Variants in VASH2 observed in about 807,000 individuals in gnomAD.
The protein encoded by VASH2 is vasohibin 2, also known as tubulinyl-Tyr carboxypeptidase 2.
VASH2 carries 28 observed loss-of-function variants against 37.2 expected under a neutral mutation model. That is an observed-to-expected ratio of 0.75 (90% confidence interval 0.56 to 1.03). The LOEUF is 1.03. VASH2 is among the 50% of genes least tolerant of loss of function. VASH2 has a pLI of 0.00. For missense variants in VASH2, 419 were observed against 459.1 expected (o/e 0.91, Z 0.80); for synonymous variants, 188 against 174.7 (o/e 1.08, Z -0.60).
At chr1:212,968,384 G>A (rs2102638489) in intron 5 of VASH2, 1 of 985,504 alleles carries the variant, frequency 1.0e-6, no homozygotes, top group Non-Finnish European at 1.2e-6. Flanking sequence ...GTCAGTGGAA[G>A]GACATGTGGC....
At chr1:212,969,680 A>C (rs1006025734) in intron 5 of VASH2, among the ~76,000 whole-genome samples, 9 of 152,134 alleles carry the variant, frequency 5.9e-5, no homozygotes, top group African/African-American at 2.2e-4. Flanking sequence ...TGGATTCTAA[A>C]AGTTACAGCA....
intron 5 of VASH2, chr1:212,969,181 C>T: frequency 3.1e-6 from 3 of 982,114 alleles, no homozygotes; most frequent in Non-Finnish European, 3.6e-6. Flanking sequence ...AAACACAGAT[C>T]CGAATTCTTC....
chr1:212,973,741 C>A, intron 6 of VASH2: 2 of 1,347,932 alleles, frequency 1.5e-6, no homozygotes, highest in Non-Finnish European at 1.9e-6. Context: ...ATCTGTATAT[C>A]TGTCTTGGAA....
At chr1:212,952,328 G>GTT in intron 2 of VASH2, 1 of 152,172 alleles carries the variant, frequency 6.6e-6, no homozygotes, top group African/African-American at 2.4e-5. Flanking sequence ...CTTTTTGCCA[G>GTT]TTTTTTTTCT....
At chr1:212,960,872 A>G (rs545785924) in intron 2 of VASH2, among the ~76,000 whole-genome samples, 11 of 152,242 alleles carry the variant, frequency 7.2e-5, no homozygotes, top group African/African-American at 2.4e-4. Flanking sequence ...TCAAGGAGGC[A>G]TTAGCCTTCT....
At position 212,988,527 on chromosome 1, in the gene VASH2, AAAG is replaced by A. The variant is rs1390519786; in HGVS notation, c.1015_1017del (p.Lys339del). On this transcript the variant is annotated inframe_deletion, in exon 8 of 8. Coordinates refer to ENST00000517399, the MANE Select transcript of VASH2 (RefSeq NM_001301056.2). The stretch of plus-strand genomic sequence containing the variant: ...TTACCCTTAGGCCTGCACTGCCTGA[AAAG>A]AAGGTGGCTGATCTGAGCACTCTGA... 3.7e-6 allele frequency: 6 copies of A among 1,614,002 alleles called. No homozygotes were observed. Among genetic ancestry groups the A allele is most frequent in the African/African-American group, 1.3e-5 (1 of 74,910 alleles).
At chr1:212,982,392 T>C (rs1201081656) in intron 7 of VASH2, among the ~76,000 whole-genome samples, 1 of 152,132 alleles carries the variant, frequency 6.6e-6, no homozygotes, top group Non-Finnish European at 1.5e-5. Flanking sequence ...GGAGGTGGGG[T>C]TGGAGAAATA....
At chr1:212,973,452 T>A (rs1363671197) in intron 6 of VASH2, 41 of 1,290,848 alleles carry the variant, frequency 3.2e-5, no homozygotes, top group Non-Finnish European at 3.9e-5. Context: ...GAGAAAAGGA[T>A]TATGCTGACT....
chr1:212,973,918 A>C lies in VASH2; in HGVS notation c.880-37A>C, dbSNP rs1667095954. The C allele has an allele frequency of 3.1e-6, 5 of 1,600,314 alleles. No homozygotes were observed. The East Asian group carries it at 1.1e-4, about 36-fold the overall frequency. On this transcript the variant is annotated intron_variant, in intron 6 of 7. Transcript: ENST00000517399. ...GAAGACCTGAGGGTGGAGGTCCCTT[A>C]GGAACCAGGGTGATTAACTCCTCAC...
At chr1:212,970,254 C>T (rs990310456) in intron 5 of VASH2, among the ~76,000 whole-genome samples, 1 of 152,204 alleles carries the variant, frequency 6.6e-6, no homozygotes, top group Non-Finnish European at 1.5e-5. Flanking sequence ...CCTCCCTCTC[C>T]ATTCCCAGTT....
rs1028343343 is a variant in VASH2 at position 212,984,999 on chromosome 1, A to T, written c.996-3513A>T. 3.9e-5 allele frequency among the ~76,000 whole-genome samples: 6 copies of T among 152,136 alleles called. No homozygotes were observed. The East Asian group carries it at 1.2e-3, about 29-fold the overall frequency. The stretch of plus-strand genomic sequence containing the variant: ...ATCAGGTTTGGCTAAGGTTAGGTGT[A>T]AGCTGTAGCTTAAACATAATTCACT... On this transcript the variant is annotated intron_variant, in intron 7 of 7. Coordinates refer to ENST00000517399, the MANE Select transcript of VASH2 (RefSeq NM_001301056.2).
chr1:212,965,363 T>C (rs1474824904), intron 3 of VASH2, among the ~76,000 whole-genome samples: 5 of 152,126 alleles, frequency 3.3e-5, no homozygotes, highest in Non-Finnish European at 5.9e-5. Context: ...CTGGGCAACA[T>C]AGCAAGACCA....
chr1:212,983,807 C>T (rs1420938280), intron 7 of VASH2, among the ~76,000 whole-genome samples: 1 of 152,104 alleles, frequency 6.6e-6, no homozygotes, highest in Non-Finnish European at 1.5e-5. Flanking sequence ...GCCATGGTGT[C>T]CTTCTCAGAT....
chr1:212,980,238 C>T (rs567120161), intron 7 of VASH2, among the ~76,000 whole-genome samples: 3 of 152,310 alleles, frequency 2.0e-5, no homozygotes, highest in Admixed American at 2.0e-4. Context: ...TATGAGCTGG[C>T]CCTGGGTGAA....
intron 5 of VASH2, chr1:212,968,470 A>G: frequency 2.0e-6 from 2 of 985,418 alleles, no homozygotes; most frequent in South Asian, 9.4e-5. Context: ...TGGGAAGGAG[A>G]ATCTCTGTGC....
intron 7 of VASH2, among the ~76,000 whole-genome samples, chr1:212,982,135 A>T (rs1320138063): frequency 6.6e-6 from 1 of 152,160 alleles, no homozygotes; most frequent in African/African-American, 2.4e-5. Flanking sequence ...GGGAATGCAG[A>T]CCTGTCATTG....
At chr1:212,982,527 G>T (rs1667367885) in intron 7 of VASH2, among the ~76,000 whole-genome samples, 1 of 152,114 alleles carries the variant, frequency 6.6e-6, no homozygotes, top group Admixed American at 6.5e-5. Flanking sequence ...TCTAATTAGA[G>T]CTGGGGGAGC....
chr1:212,970,110 A>G (rs1666966630), intron 5 of VASH2, among the ~76,000 whole-genome samples: 1 of 152,220 alleles, frequency 6.6e-6, no homozygotes, highest in Admixed American at 6.5e-5. Flanking sequence ...AAACAGGTTC[A>G]TTATGAGAGG....
rs566554088 is a variant in VASH2, at chr1:212,957,889, G to A, written c.277-3277G>A. Among the ~76,000 whole-genome samples the A allele has an allele frequency of 5.3e-5, 8 of 152,272 alleles. No individual in the cohort carries two copies. In the East Asian group the frequency reaches 5.8e-4, roughly 11 times the overall value. On this transcript the variant is annotated intron_variant, in intron 2 of 7. Transcript: ENST00000517399. ...TGTTGGGACTACACGTGTGAGCCACGGCACCTGGCCAACACAGCTTACACT... is the reference window on the plus strand; with the variant it reads ...TGTTGGGACTACACGTGTGAGCCACAGCACCTGGCCAACACAGCTTACACT...
Sources: allele counts gnomAD v4.1 joint callset (sites outside exome capture counted in the v4.1 genomes callset), GRCh38; gene constraint gnomAD v4.1.1; transcripts MANE v1.5; gene names NCBI Gene and HGNC (gene_info 2026-07-23, HGNC 2026-07-21).